SCN11A: variants seen among roughly 807,000 people sequenced by gnomAD.
SCN11A encodes the protein sodium voltage-gated channel alpha subunit 11, also known as sodium channel protein type 11 subunit alpha.
A neutral mutation model predicts 162.2 loss-of-function variants in SCN11A; 122 were observed. The observed-to-expected ratio is 0.75, with a 90% CI of 0.65 to 0.87. The LOEUF (loss-of-function observed/expected upper bound fraction) is 0.87, where lower values mean the gene tolerates loss of function less well. Among genes scored for constraint, SCN11A ranks in the 40% least tolerant of loss-of-function variants. The pLI is 0.00. For missense variants in SCN11A, 2,015 were observed against 2,181.6 expected, an observed-to-expected ratio of 0.92 and a Z score of 1.52; for synonymous variants, 758 against 751.5, an observed-to-expected ratio of 1.01 and a Z score of -0.14.
chr3:38,885,400 C>T lies in SCN11A; in HGVS notation c.2952G>A (p.Lys984=). The T allele has an allele frequency of 6.4e-7, 1 of 1,565,646 alleles. No individual in the cohort carries two copies. Among genetic ancestry groups the T allele is most frequent in the African/African-American group, 1.4e-5 (1 of 74,012 alleles). ...CTGATAGTATACTGGTAACATCAGA[C>T]TTCTGCACATCAGAACAAAACGAAG... The part of the protein sequence containing the change: ...PHLTIQDPRK[K]SDVTSILSEC... Residue 984 remains lysine (K), a splice_region_variant and synonymous_variant, in exon 21 of 30, where the codon AAG becomes AAA. Transcript: ENST00000302328.
At chr3:38,980,871 G>A (rs1230757925) in intron 2 of SCN11A, among the ~76,000 whole-genome samples, 2 of 152,186 alleles carry the variant, frequency 1.3e-5, no homozygotes, top group African/African-American at 2.4e-5. Context: ...CTTACTGGGG[G>A]TGGAAGCTGA....
intron 11 of SCN11A, among the ~76,000 whole-genome samples, chr3:38,915,675 A>T (rs2065950144): frequency 6.6e-6 from 1 of 151,880 alleles, no homozygotes; most frequent in Admixed American, 6.6e-5. Flanking sequence ...TGTGTTTGGT[A>T]AAATTTTGGT....
At chr3:38,954,349 T>G (rs1254862430) in intron 3 of SCN11A, among the ~76,000 whole-genome samples, 1 of 152,212 alleles carries the variant, frequency 6.6e-6, no homozygotes, top group Non-Finnish European at 1.5e-5. Context: ...GAACACAATA[T>G]GGATGCTAGT....
chr3:38,907,027 G>A (rs2126126811), intron 14 of SCN11A, among the ~76,000 whole-genome samples: 1 of 152,072 alleles, frequency 6.6e-6, no homozygotes, highest in Middle Eastern at 3.4e-3. Flanking sequence ...TCTCTCTGCA[G>A]GTAATGCTCT....
At chr3:39,018,060 T>C (rs780265848) in intron 2 of SCN11A, among the ~76,000 whole-genome samples, 4 of 152,244 alleles carry the variant, frequency 2.6e-5, no homozygotes, top group African/African-American at 9.6e-5. Flanking sequence ...ACAGCATTCA[T>C]TTGGGGGCTA....
rs77305642 is a variant in SCN11A, at chr3:38,911,174, TTA to T, written c.960-969_960-968del. On this transcript the variant is annotated intron_variant, in intron 11 of 29. Transcript: ENST00000302328. The stretch of plus-strand genomic sequence containing the variant: ...TTCTTGGCTTTTTCATGTTGCTTTT[TTA>T]TGTTTTACTCCCTCATTCTTCTGGA... Among the ~76,000 whole-genome samples, 795 of 152,290 alleles carry T rather than the reference TTA, an allele frequency of 5.2e-3. 3 individuals are homozygous for T. The highest frequency in any genetic ancestry group is 9.2e-3 in the Admixed American group (141 of 15,280).
chr3:38,870,460 T>C (rs1300848701), intron 26 of SCN11A, among the ~76,000 whole-genome samples: 1 of 152,188 alleles, frequency 6.6e-6, no homozygotes, highest in Non-Finnish European at 1.5e-5. Context: ...TTGGCCACCA[T>C]GGAGAAAGAA....
chr3:38,883,879 T>C (rs1323076881), intron 21 of SCN11A, among the ~76,000 whole-genome samples: 1 of 152,144 alleles, frequency 6.6e-6, no homozygotes, highest in East Asian at 1.9e-4. Flanking sequence ...TTGGTAATCA[T>C]AAAGAGATCA....
chr3:38,963,393 G>GAGAT (rs2066757535), intron 2 of SCN11A, among the ~76,000 whole-genome samples: 1 of 56,274 alleles, frequency 1.8e-5, no homozygotes, highest in Non-Finnish European at 3.2e-5. Flanking sequence ...ATATGATGGA[G>GAGAT]ATATATATAT....
chr3:38,909,955 G>A (rs1479687870), intron 12 of SCN11A, 111 bp downstream of exon 12: 11 of 996,820 alleles, frequency 1.1e-5, no homozygotes, highest in African/African-American at 3.3e-5. Context: ...ATAAAAGTGG[G>A]GGATGAATGG....
Position 38,903,943 on chromosome 3 carries a change from G to T in SCN11A, c.1764C>A (p.Ile588=). ...CCATGGCCAAGAAGACAGTGTTGAT[G>T]ATGATGCAGATGGTGATGGCCAGCT... ...FTELAITICI[I]INTVFLAMEH... is the part of the protein sequence containing the mutation. Residue 588 remains isoleucine, a synonymous_variant, in exon 16 of 30, where the codon ATC becomes ATA. Coordinates refer to ENST00000302328, the MANE Select transcript of SCN11A (RefSeq NM_001349253.2). 1 of 1,614,098 alleles carries T rather than the reference G, an allele frequency of 6.2e-7. No individual in the cohort carries two copies. Among genetic ancestry groups the T allele is most frequent in the Admixed American group, 1.7e-5 (1 of 60,020 alleles).
chr3:39,044,236 G>C (rs921234803), intron 1 of SCN11A, among the ~76,000 whole-genome samples: 3 of 151,952 alleles, frequency 2.0e-5, no homozygotes, highest in African/African-American at 4.8e-5. Context: ...AATTAAGTTG[G>C]GGATTTCAAT....
chr3:39,004,957 T>C (rs1159832874), intron 2 of SCN11A, among the ~76,000 whole-genome samples: 1 of 152,188 alleles, frequency 6.6e-6, no homozygotes, highest in African/African-American at 2.4e-5. Flanking sequence ...TGCCTTAAAA[T>C]CCGAGCTCCC....
chr3:38,895,019 T>C (rs1358149170), intron 18 of SCN11A, 55 bp from the exon 19 acceptor site: 13 of 1,496,628 alleles, frequency 8.7e-6, no homozygotes, highest in African/African-American at 2.8e-5. Context: ...GGAAAAGATA[T>C]AGTGGGTTTC....
intron 26 of SCN11A, among the ~76,000 whole-genome samples, chr3:38,867,773 G>T (rs1299402848): frequency 1.3e-5 from 2 of 152,100 alleles, no homozygotes; most frequent in East Asian, 3.9e-4. Flanking sequence ...CATCCATATG[G>T]AATGTCCATA....
At chr3:38,849,828 T>C (rs1204890398) in intron 29 of SCN11A, 1 of 152,220 alleles carries the variant, frequency 6.6e-6, no homozygotes, top group Non-Finnish European at 1.5e-5. Flanking sequence ...TTAGGAAAAA[T>C]ATACTGATTA....
intron 2 of SCN11A, among the ~76,000 whole-genome samples, chr3:39,006,366 A>G (rs2030973840): frequency 6.6e-6 from 1 of 152,218 alleles, no homozygotes; most frequent in Admixed American, 6.5e-5. Context: ...AAGAAGTCCC[A>G]ATGATACCAA....
chr3:39,028,518 C>CAATAAACACTCATGACAATAAGCACT (rs2031659174), intron 2 of SCN11A, among the ~76,000 whole-genome samples: 1 of 152,160 alleles, frequency 6.6e-6, no homozygotes, highest in Non-Finnish European at 1.5e-5. Context: ...TCATGCCATA[C>CAATAAACACTCATGACAATAAGCACT]CATTCTTTAA....
At chr3:38,927,607 T>C (rs1166566841) in intron 7 of SCN11A, among the ~76,000 whole-genome samples, 1 of 152,024 alleles carries the variant, frequency 6.6e-6, no homozygotes, top group East Asian at 1.9e-4. Flanking sequence ...TGGAAAGAGA[T>C]TTAATTGACT....
Sources: gnomAD v4.1 joint callset for allele counts (sites outside exome capture counted in the v4.1 genomes callset) on GRCh38, gnomAD v4.1.1 for gene constraint, MANE v1.5 for transcripts, NCBI Gene and HGNC (gene_info 2026-07-23, HGNC 2026-07-21) for gene names.